Variants in RIMBP2 observed in about 807,000 individuals in gnomAD.
RIMBP2 encodes the protein RIMS-binding protein 2.
Under a neutral mutation model 118.6 loss-of-function variants are expected in RIMBP2, and 48 were observed. The ratio of observed to expected loss-of-function variants is 0.40; its 90% CI spans 0.32 to 0.51. The LOEUF is 0.51. Among genes scored for constraint, RIMBP2 ranks in the 20% least tolerant of loss-of-function variants. RIMBP2 has a pLI of 0.41. For missense variants in RIMBP2, 1,551 were observed against 1,768.3 expected (o/e 0.88, Z 2.20); for synonymous variants, 762 against 742.9 (o/e 1.03, Z -0.42).
rs758710890 is a variant in RIMBP2 at position 130,431,457 on chromosome 12, T to G, written c.2254-3120A>C. 2.4e-6 allele frequency: 1 copy of G among 409,346 alleles called. No homozygotes were observed. The highest frequency in any genetic ancestry group is 1.8e-5 in the South Asian group (1 of 55,308). The allele number at this position is 409,346 out of a possible 1,614,324, so 25.4% of individuals were successfully genotyped here. ...CCTAGCCAGACGCCATCTGTATGAT[T>G]AATGAATGTATTCTTTGAATTGAAT... On this transcript the variant is annotated intron_variant, in intron 14 of 22. Transcript: ENST00000690449. This position sits in a 1 kb window ranked among gnomAD's most constrained non-coding sequence, Gnocchi z 4.0.
chr12:130,577,501 C>T lies in RIMBP2; in HGVS notation c.-217+50821G>A, dbSNP rs143991012. Among the ~76,000 whole-genome samples, 89 of 152,242 alleles carry T rather than the reference C, an allele frequency of 5.8e-4. 1 individual carries two copies. In the East Asian group the frequency reaches 0.016, roughly 27 times the overall value. On this transcript the variant is annotated intron_variant, in intron 2 of 22. Transcript: ENST00000690449. Reference sequence around the variant, plus strand: ...TGTTACAAGGCAGCAGGAGAGAGCACAAGCATGCAGAGGAAACCGCCATGT... The same window carrying T: ...TGTTACAAGGCAGCAGGAGAGAGCATAAGCATGCAGAGGAAACCGCCATGT...
In RIMBP2 at chr12:130,437,198, G is replaced by T; in HGVS notation, c.1750C>A (p.Leu584Ile). Residue 584 changes from leucine to isoleucine, a missense_variant, in exon 13 of 23, where the codon CTC becomes ATC. This residue lies in a region of RIMBP2 where 1,038 missense variants were observed against 1,125.1 expected (regional missense o/e 0.92). Coordinates refer to ENST00000690449, the MANE Select transcript of RIMBP2 (RefSeq NM_001393629.1). ...TCCACGGACTCGCCCTGGGCGGAGA[G>T]GGTCCGCACGGTCACGCCCTTGGCC... ...LEAKGVTVRT[L>I]SAQGESVDSA... 1 of 1,585,356 alleles carries T rather than the reference G, an allele frequency of 6.3e-7. No homozygotes were observed. Among genetic ancestry groups the T allele is most frequent in the East Asian group, 2.3e-5 (1 of 43,484 alleles).
intron 12 of RIMBP2, among the ~76,000 whole-genome samples, chr12:130,437,964 C>G (rs2077663531): frequency 6.6e-6 from 1 of 152,214 alleles, no homozygotes. Context: ...TTCTTGGAGT[C>G]AAGGCCTGGT....
At chr12:130,603,353 C>A (rs1056846332) in intron 2 of RIMBP2, among the ~76,000 whole-genome samples, 8 of 152,190 alleles carry the variant, frequency 5.3e-5, no homozygotes, top group Non-Finnish European at 8.8e-5. Context: ...TATAACCCTA[C>A]TAACTTCAAC....
Position 130,615,283 on chromosome 12 carries a change from ATATATATATATATG to A in RIMBP2, c.-217+13025_-217+13038del, listed in dbSNP as rs1289707683. Among the ~76,000 whole-genome samples the A allele has an allele frequency of 1.3e-3, 168 of 131,988 alleles. 6 individuals carry two copies. The highest frequency in any genetic ancestry group is 4.6e-3 in the African/African-American group (158 of 34,240). 86.6% of individuals were successfully genotyped at this position (131,988 alleles called of 152,430 possible). On this transcript the variant is annotated intron_variant, in intron 2 of 22. Coordinates refer to ENST00000690449, the MANE Select transcript of RIMBP2 (RefSeq NM_001393629.1). ...ATATACATAATACACATACATATATATATATATATATATGTGTACACACAAACATATATAGATAT... is the reference window on the plus strand; with the variant it reads ...ATATACATAATACACATACATATATATGTACACACAAACATATATAGATAT...
intron 1 of RIMBP2, among the ~76,000 whole-genome samples, chr12:130,635,500 C>T (rs546978233): frequency 5.9e-5 from 9 of 152,156 alleles, no homozygotes; most frequent in Non-Finnish European, 1.2e-4. Context: ...ATTGGTGGCA[C>T]CTGCCCTGTG....
At chr12:130,638,607 C>T (rs1171185789) in intron 1 of RIMBP2, among the ~76,000 whole-genome samples, 1 of 152,126 alleles carries the variant, frequency 6.6e-6, no homozygotes, top group African/African-American at 2.4e-5. Flanking sequence ...CTGCATGCTC[C>T]TTATGAGTAT....
Position 130,461,092 on chromosome 12 carries a change from C to T in RIMBP2, c.154-4392G>A, listed in dbSNP as rs555415713. Among the ~76,000 whole-genome samples the T allele has an allele frequency of 1.7e-4, 26 of 152,300 alleles. No individual in the cohort carries two copies. In the South Asian group the frequency reaches 5.4e-3, roughly 32 times the overall value. Reference sequence around the variant, plus strand: ...CACGACCCAGCTACTTCCTGCCAGGCTCCACCCGTGACACTAGGGGTCACA... The same window carrying T: ...CACGACCCAGCTACTTCCTGCCAGGTTCCACCCGTGACACTAGGGGTCACA... On this transcript the variant is annotated intron_variant, in intron 6 of 22. Transcript: ENST00000690449.
chr12:130,508,889 T>C (rs73152999), intron 3 of RIMBP2, among the ~76,000 whole-genome samples: 16,639 of 152,216 alleles, frequency 0.11, 1,068 homozygotes, highest in Middle Eastern at 0.25. Context: ...GGACTATTGC[T>C]GTCAGCCCTC....
At chr12:130,519,499 G>A (rs1452521133) in intron 2 of RIMBP2, among the ~76,000 whole-genome samples, 6 of 152,344 alleles carry the variant, frequency 3.9e-5, no homozygotes, top group East Asian at 1.9e-4. Flanking sequence ...TGGTCTGGAT[G>A]GCATAACATT....
In RIMBP2 at chr12:130,547,449, T is replaced by A. The variant is rs541897377; in HGVS notation, c.-216-29532A>T. ...CCTGTTTTCTCACTATCGTATTTTA[T>A]AATCTGTTAGACTTATTGCCATGTT... is the stretch of plus-strand genomic sequence containing the variant. On this transcript the variant is annotated intron_variant, in intron 2 of 22. Coordinates refer to ENST00000690449, the MANE Select transcript of RIMBP2 (RefSeq NM_001393629.1). Among the ~76,000 whole-genome samples the A allele has an allele frequency of 1.5e-4, 23 of 152,378 alleles. 1 individual carries two copies. The South Asian group carries it at 4.6e-3, about 30-fold the overall frequency.
Position 130,424,784 on chromosome 12 carries a change from C to T in RIMBP2, c.2487G>A (p.Lys829=). The change falls in exon 16 of 23, where the codon AAG becomes AAA. Residue 829 remains lysine, a synonymous_variant. Transcript: ENST00000690449. This position sits in a 1 kb window ranked among gnomAD's most constrained non-coding sequence, Gnocchi z 9.8. ...CTACTTCGGGGATACTGAAAAGTCTCTTCCTGTGGGGCTGGTGGGGAAACT... is the reference window on the plus strand; with the variant it reads ...CTACTTCGGGGATACTGAAAAGTCTTTTCCTGTGGGGCTGGTGGGGAAACT... ...QPEFPHQPHR[K]RLFSIPEVAE... 1 of 1,232,990 alleles carries T rather than the reference C, an allele frequency of 8.1e-7. No homozygotes were observed. The highest frequency in any genetic ancestry group is 1.0e-6 in the Non-Finnish European group (1 of 988,656). The allele number at this position is 1,232,990 out of a possible 1,614,324, so 76.4% of individuals were successfully genotyped here.
chr12:130,598,113 T>C (rs1214504959), intron 2 of RIMBP2, among the ~76,000 whole-genome samples: 2 of 151,996 alleles, frequency 1.3e-5, no homozygotes, highest in African/African-American at 4.8e-5. Context: ...AAACTTAAAG[T>C]TTAAAAAAAT....
At chr12:130,636,480 A>C (rs1172123441) in intron 1 of RIMBP2, among the ~76,000 whole-genome samples, 2 of 152,046 alleles carry the variant, frequency 1.3e-5, no homozygotes, top group Non-Finnish European at 2.9e-5. Context: ...ACCTCACTAA[A>C]CCTCAATTGA....
chr12:130,646,059 C>CCACCTCCCTCAT (rs1436746637), intron 1 of RIMBP2, among the ~76,000 whole-genome samples: 5 of 121,024 alleles, frequency 4.1e-5, no homozygotes, highest in Non-Finnish European at 9.3e-5. Flanking sequence ...ACCTCCCTCA[C>CCACCTCCCTCAT]CACCTGCCTC....
At chr12:130,402,723 C>T (rs1369837360) in intron 21 of RIMBP2, among the ~76,000 whole-genome samples, 1 of 152,110 alleles carries the variant, frequency 6.6e-6, no homozygotes, top group Non-Finnish European at 1.5e-5. Flanking sequence ...CAGAAAACAC[C>T]AAAATCGATC....
intron 1 of RIMBP2, among the ~76,000 whole-genome samples, chr12:130,680,497 A>T (rs368123835): frequency 6.6e-6 from 1 of 152,216 alleles, no homozygotes; most frequent in Admixed American, 6.5e-5. Flanking sequence ...ACACACACTC[A>T]GATACACACA....
intron 2 of RIMBP2, among the ~76,000 whole-genome samples, chr12:130,520,632 A>T (rs1159464947): frequency 5.2e-5 from 7 of 133,446 alleles, no homozygotes; most frequent in African/African-American, 1.9e-4. Flanking sequence ...AGATCACGCC[A>T]TTGTACTCCA....
At chr12:130,538,261 T>C (rs1423834063) in intron 2 of RIMBP2, among the ~76,000 whole-genome samples, 1 of 152,150 alleles carries the variant, frequency 6.6e-6, no homozygotes, top group Non-Finnish European at 1.5e-5. Flanking sequence ...TGCATTCTTC[T>C]TTCTATATAT....
Sources: gnomAD v4.1 joint callset for allele counts (sites outside exome capture counted in the v4.1 genomes callset) on GRCh38, gnomAD v4.1.1 for gene constraint, gnomAD v4.1.1 regional missense constraint, Gnocchi (gnomAD v3.1) non-coding constraint, MANE v1.5 for transcripts, NCBI Gene and HGNC (gene_info 2026-07-23, HGNC 2026-07-21) for gene names.